Variants in BCL10 observed in about 807,000 individuals in gnomAD.
BCL10 encodes the protein BCL10 immune signaling adaptor.
BCL10 carries 5 observed loss-of-function variants against 19.2 expected under a neutral mutation model. That is an observed-to-expected ratio of 0.26 (90% CI 0.14 to 0.55). BCL10 has a LOEUF of 0.55. BCL10 is among the 20% of genes least tolerant of loss of function. BCL10 has a pLI of 0.94. For missense variants in BCL10, 201 were observed against 271.9 expected, an observed-to-expected ratio of 0.74 and a Z score of 1.83; for synonymous variants, 110 against 98.8, an observed-to-expected ratio of 1.11 and a Z score of -0.67.
rs775726830 is a variant in BCL10 at position 85,276,392 on chromosome 1, C to T, written c.-40G>A. 12 of 1,609,648 alleles carry T rather than the reference C, an allele frequency of 7.5e-6. No homozygotes were observed. The Admixed American group carries it at 1.2e-4, about 16-fold the overall frequency. On this transcript the variant is annotated 5_prime_UTR_variant, in exon 1 of 3. Coordinates refer to ENST00000648566, the MANE Select transcript of BCL10 (RefSeq NM_003921.5). ...ATGGCGCTTCTTCCGGGTCCGGGAG[C>T]TCGGGCTGCGCCGCCCCGCCCTGGC...
intron 1 of BCL10, 48 bp downstream of exon 1, chr1:85,276,248 G>A: frequency 6.3e-7 from 1 of 1,586,432 alleles, no homozygotes; most frequent in South Asian, 1.1e-5. Flanking sequence ...GTCTCCCGCT[G>A]GGCTGCAGCC....
rs915564597 is a variant in BCL10, at chr1:85,267,708, T to C, written c.621A>G (p.Leu207=). ...DPGAPPLPPD[L]QLEEEGTCAN... The stretch of plus-strand genomic sequence containing the variant: ...CACAAGTTCCTTCTTCTTCTAACTG[T>C]AGATCTGGTGGCAAAGGAGGAGCCC... Residue 207 remains leucine, a synonymous_variant, in exon 3 of 3, where the codon CTA becomes CTG. Transcript: ENST00000648566. The C allele has an allele frequency of 1.9e-6, 3 of 1,614,126 alleles. No individual in the cohort carries two copies. Among genetic ancestry groups the C allele is most frequent in the Non-Finnish European group, 2.5e-6 (3 of 1,180,048 alleles).
chr1:85,274,414 T>C (rs1660455015), intron 1 of BCL10, among the ~76,000 whole-genome samples: 1 of 152,218 alleles, frequency 6.6e-6, no homozygotes, highest in African/African-American at 2.4e-5. Context: ...ATTTTTGAAC[T>C]GTTAGAACCA....
At position 85,266,993 on chromosome 1, in the gene BCL10, A is replaced by C; in HGVS notation, c.*634T>G. On this transcript the variant is annotated 3_prime_UTR_variant, in exon 3 of 3. Transcript: ENST00000648566. Reference sequence around the variant, plus strand: ...AGGAATGAAAATGATTAAGCCAAGAATGTGAAAATCCTAACAAAGTAGTAT... The same window carrying C: ...AGGAATGAAAATGATTAAGCCAAGACTGTGAAAATCCTAACAAAGTAGTAT... 5.3e-6 allele frequency: 1 copy of C among 189,128 alleles called. No homozygotes were observed. The allele number at this position is 189,128 out of a possible 1,614,324, so 11.7% of individuals were successfully genotyped here.
chr1:85,266,440 C>T lies in BCL10; in HGVS notation c.*1187G>A, dbSNP rs1338679001. 5.2e-6 allele frequency: 1 copy of T among 191,720 alleles called. No homozygotes were observed. The highest frequency in any genetic ancestry group is 1.1e-5 in the Non-Finnish European group (1 of 91,560). The allele number at this position is 191,720 out of a possible 1,614,324, so 11.9% of individuals were successfully genotyped here. A position where few individuals can be genotyped will look rare whatever the true frequency, so the allele number is the denominator to read the frequency against. ...TTTGTTTTACAACAAAAAGACAAATCTGGCTAATGGCCCACTTGTTCAAAT... is the reference window on the plus strand; with the variant it reads ...TTTGTTTTACAACAAAAAGACAAATTTGGCTAATGGCCCACTTGTTCAAAT... On this transcript the variant is annotated 3_prime_UTR_variant, in exon 3 of 3. Coordinates refer to ENST00000648566, the MANE Select transcript of BCL10 (RefSeq NM_003921.5).
intron 1 of BCL10, among the ~76,000 whole-genome samples, chr1:85,272,974 ACTAT>A (rs1373998286): frequency 2.0e-5 from 3 of 152,118 alleles, no homozygotes; most frequent in African/African-American, 7.2e-5. Flanking sequence ...TCTACCTAAA[ACTAT>A]CTGTCTCTCT....
In BCL10 at chr1:85,276,458, A is replaced by C. The variant is rs979089228; in HGVS notation, c.-106T>G. On this transcript the variant is annotated 5_prime_UTR_variant, in exon 1 of 3. Coordinates refer to ENST00000648566, the MANE Select transcript of BCL10 (RefSeq NM_003921.5). The stretch of plus-strand genomic sequence containing the variant: ...CCGGGTAATGGGGAAGAAGGAGAGG[A>C]GGCGGAGCGGGTCGGGAGAAAGACG... 4.2e-5 allele frequency: 56 copies of C among 1,337,416 alleles called. No homozygotes were observed. Among genetic ancestry groups the C allele is most frequent in the Non-Finnish European group, 5.2e-5 (49 of 943,042 alleles). The allele number at this position is 1,337,416 out of a possible 1,614,324, so 82.8% of individuals were successfully genotyped here.
chr1:85,271,166 G>A (rs36069698), intron 1 of BCL10, among the ~76,000 whole-genome samples: 607 of 152,278 alleles, frequency 4.0e-3, no homozygotes, highest in African/African-American at 0.014. Flanking sequence ...TGAATCTAGA[G>A]GGCCTGGGTC....
At position 85,267,958 on chromosome 1, in the gene BCL10, G is replaced by C. The variant is rs1175892244; in HGVS notation, c.371C>G (p.Pro124Arg). 6.3e-7 allele frequency: 1 copy of C among 1,576,574 alleles called. No individual in the cohort carries two copies. The highest frequency in any genetic ancestry group is 8.6e-7 in the Non-Finnish European group (1 of 1,161,356). ...LKGLKCSSCE[P>R]FPDGATNNLS... ...GTTGTTCGTGGCTCCATCTGGAAAA[G>C]GTTCACAACTGCTACATTTTAGTCC... Residue 124 changes from proline (P) to arginine (R), a missense_variant, in exon 3 of 3, where the codon CCT (proline) becomes CGT (arginine). Physicochemically the swap from Pro to Arg is moderately radical, Grantham distance 103. This residue lies in a region of BCL10 where 126 missense variants were observed against 136.6 expected (regional missense o/e 0.92). Coordinates refer to ENST00000648566, the MANE Select transcript of BCL10 (RefSeq NM_003921.5).
chr1:85,273,920 C>A (rs1243882303), intron 1 of BCL10, among the ~76,000 whole-genome samples: 2 of 152,230 alleles, frequency 1.3e-5, no homozygotes, highest in African/African-American at 4.8e-5. Context: ...CTAAAAGGCT[C>A]TTCATGAAAA....
intron 1 of BCL10, among the ~76,000 whole-genome samples, chr1:85,274,016 T>G (rs1479322484): frequency 6.6e-6 from 1 of 152,196 alleles, no homozygotes; most frequent in Non-Finnish European, 1.5e-5. Context: ...CTTGCCTATT[T>G]TAGGTCCTTG....
chr1:85,269,180 G>GGC (rs760796274), intron 2 of BCL10, among the ~76,000 whole-genome samples: 2 of 152,204 alleles, frequency 1.3e-5, no homozygotes, highest in Non-Finnish European at 2.9e-5. Context: ...GCCAGATGCT[G>GGC]GCGCCATGGT....
In BCL10 at chr1:85,266,152, C is replaced by T. The variant is rs1194086359; in HGVS notation, c.*1475G>A. On this transcript the variant is annotated 3_prime_UTR_variant, in exon 3 of 3. Coordinates refer to ENST00000648566, the MANE Select transcript of BCL10 (RefSeq NM_003921.5). ...CATCCAGAAATGCAACTCAATCTCA[C>T]AACCTGAAGTAATGTTTTCTATAGA... The T allele has an allele frequency of 9.1e-5, 17 of 187,344 alleles. No individual in the cohort carries two copies. The East Asian group carries it at 1.5e-3, about 16-fold the overall frequency. The allele number at this position is 187,344 out of a possible 1,614,324, so 11.6% of individuals were successfully genotyped here. A position where few individuals can be genotyped will look rare whatever the true frequency, so the allele number is the denominator to read the frequency against.
At chr1:85,273,204 A>G (rs1157622354) in intron 1 of BCL10, among the ~76,000 whole-genome samples, 2 of 152,132 alleles carry the variant, frequency 1.3e-5, no homozygotes, top group South Asian at 2.1e-4. Context: ...TTCCCAATTC[A>G]TTCCCAGACA....
In BCL10 at chr1:85,276,558, G is replaced by T. The variant is rs1570341804; in HGVS notation, c.-206C>A. On this transcript the variant is annotated 5_prime_UTR_variant, in exon 1 of 3. Transcript: ENST00000648566. ...CGGCCCCGCCTCTGAGGTCGACGGC[G>T]ACGCGAATCTACGCGACGCGACGCG... 2.8e-5 allele frequency: 17 copies of T among 605,664 alleles called. No individual in the cohort carries two copies. The South Asian group carries it at 3.2e-4, about 11-fold the overall frequency. The allele number at this position is 605,664 out of a possible 1,614,324, so 37.5% of individuals were successfully genotyped here. A position where few individuals can be genotyped will look rare whatever the true frequency, so the allele number is the denominator to read the frequency against.
intron 2 of BCL10, among the ~76,000 whole-genome samples, chr1:85,270,058 G>T (rs1660327309): frequency 6.6e-6 from 1 of 152,152 alleles, no homozygotes; most frequent in African/African-American, 2.4e-5. Context: ...CTCTTGAATA[G>T]ATTAACTTTA....
intron 2 of BCL10, among the ~76,000 whole-genome samples, chr1:85,269,527 T>C (rs553111851): frequency 6.6e-6 from 1 of 152,354 alleles, no homozygotes; most frequent in Non-Finnish European, 1.5e-5. Context: ...AGCATGTCTA[T>C]TCCATGCTAT....
At chr1:85,268,790 G>GA (rs928118673) in intron 2 of BCL10, among the ~76,000 whole-genome samples, 1 of 144,410 alleles carries the variant, frequency 6.9e-6, no homozygotes, top group Non-Finnish European at 1.5e-5. Flanking sequence ...AAAAAAAAGA[G>GA]AAAAAAAAGG....
intron 1 of BCL10, among the ~76,000 whole-genome samples, chr1:85,275,165 TGA>T (rs1158838974): frequency 4.0e-4 from 61 of 152,370 alleles, no homozygotes; most frequent in African/African-American, 1.4e-3. Flanking sequence ...GCACTCACCA[TGA>T]ATAAGACAAC....
Sources: allele counts gnomAD v4.1 joint callset (sites outside exome capture counted in the v4.1 genomes callset), GRCh38; gene constraint gnomAD v4.1.1; regional missense constraint gnomAD v4.1.1; transcripts MANE v1.5; gene names NCBI Gene and HGNC (gene_info 2026-07-23, HGNC 2026-07-21).